Variants in CFAP74 observed in about 807,000 individuals in gnomAD.
The protein encoded by CFAP74 is cilia- and flagella-associated protein 74.
CFAP74 carries 124 observed loss-of-function variants against 188.9 expected under a neutral mutation model. The ratio of observed to expected loss-of-function variants is 0.66; its 90% confidence interval spans 0.57 to 0.76. CFAP74 has a LOEUF of 0.76. Among genes scored for constraint, CFAP74 ranks in the 30% least tolerant of loss-of-function variants. CFAP74 has a pLI of 0.00. For missense variants in CFAP74, 2,198 were observed against 2,165.2 expected, an observed-to-expected ratio of 1.02 and a Z score of -0.30; for synonymous variants, 956 against 916.7, an observed-to-expected ratio of 1.04 and a Z score of -0.77.
In CFAP74 at chr1:1,979,427, T is replaced by A. The variant is rs1213587552; in HGVS notation, c.501-5229A>T. On this transcript the variant is annotated intron_variant, in intron 6 of 38. Coordinates refer to ENST00000682832, the MANE Select transcript of CFAP74 (RefSeq NM_001304360.2). Reference sequence around the variant, plus strand: ...GCTGTGCAGAACACGCGTGTGGTACTGAGCTGGGCGTGGGAAGGCGTCACG... The same window carrying A: ...GCTGTGCAGAACACGCGTGTGGTACAGAGCTGGGCGTGGGAAGGCGTCACG... 3.2e-4 allele frequency among the ~76,000 whole-genome samples: 45 copies of A among 141,874 alleles called. 1 individual carries two copies. Among genetic ancestry groups the A allele is most frequent in the African/African-American group, 1.2e-3 (45 of 38,138 alleles). 93.1% of individuals were successfully genotyped at this position (141,874 alleles called of 152,430 possible).
chr1:1,963,808 C>T lies in CFAP74; in HGVS notation c.1635G>A (p.Thr545=), dbSNP rs368592608. The change falls in exon 14 of 39, where the codon ACG becomes ACA. Residue 545 remains threonine, a synonymous_variant. Coordinates refer to ENST00000682832, the MANE Select transcript of CFAP74 (RefSeq NM_001304360.2). ...KKITLVNTTY[T]INYCKLVGVE... ...CGCCCACCAGCTTGCAGTAGTTGAT[C>T]GTGTAGGTGGTGTTTACCAACGTGA... The T allele has an allele frequency of 1.5e-5, 24 of 1,613,952 alleles. No homozygotes were observed. Among genetic ancestry groups the T allele is most frequent in the East Asian group, 4.5e-5 (2 of 44,882 alleles).
chr1:1,923,586 A>G lies in CFAP74; in HGVS notation c.4390-87T>C. The G allele has an allele frequency of 6.4e-7, 1 of 1,556,924 alleles. No homozygotes were observed. The highest frequency in any genetic ancestry group is 2.3e-5 in the East Asian group (1 of 44,202). ...AGAGCTGGGCTGGCTCAGGGAAGGA[A>G]GCAGGGACGGCCTGGGGGCCCCGTG... On this transcript the variant is annotated intron_variant, in intron 35 of 38. Transcript: ENST00000682832. This position sits in a 1 kb window ranked among gnomAD's most constrained non-coding sequence, Gnocchi z 6.3.
chr1:1,947,645 C>A (rs2490543), intron 18 of CFAP74, among the ~76,000 whole-genome samples: 2 of 152,072 alleles, frequency 1.3e-5, no homozygotes, highest in Admixed American at 6.5e-5. Flanking sequence ...CGAGAGGCCA[C>A]GCGCAGGTTG....
At chr1:1,985,060 T>G in intron 6 of CFAP74, 1 of 268,898 alleles carries the variant, frequency 3.7e-6, no homozygotes, top group Non-Finnish European at 7.3e-6. Flanking sequence ...AGGAAAGCAT[T>G]TAGGACGAGG....
intron 25 of CFAP74, among the ~76,000 whole-genome samples, chr1:1,931,828 C>G (rs1212878602): frequency 6.9e-6 from 1 of 145,048 alleles, no homozygotes; most frequent in Admixed American, 6.9e-5. Flanking sequence ...TTTGGGAGAC[C>G]GAGGCGGGTG....
At chr1:1,985,560 T>C in intron 5 of CFAP74, 70 bp from the exon 6 acceptor site, 1 of 1,185,726 alleles carries the variant, frequency 8.4e-7, no homozygotes, top group Admixed American at 1.7e-5. Flanking sequence ...CAGGTTCACC[T>C]GGCACTCCCT....
At chr1:1,999,936 C>A (rs372795422) in intron 1 of CFAP74, among the ~76,000 whole-genome samples, 113 of 152,066 alleles carry the variant, frequency 7.4e-4, no homozygotes, top group African/African-American at 2.6e-3. Flanking sequence ...GAGGCTGAGG[C>A]GGGCGGATCA....
chr1:1,944,938 A>G (rs1653648081), intron 20 of CFAP74, among the ~76,000 whole-genome samples: 1 of 152,134 alleles, frequency 6.6e-6, no homozygotes, highest in Non-Finnish European at 1.5e-5. Context: ...ATGTTCAACT[A>G]CTACTAGAAC....
chr1:1,974,474 C>T (rs940375236), intron 6 of CFAP74, among the ~76,000 whole-genome samples: 8 of 152,242 alleles, frequency 5.3e-5, no homozygotes, highest in South Asian at 2.1e-4. Flanking sequence ...AGGCTGTGTC[C>T]GTTGGCTGCG....
chr1:1,968,703 C>A lies in CFAP74; in HGVS notation c.1177G>T (p.Asp393Tyr). 6.2e-7 allele frequency: 1 copy of A among 1,614,122 alleles called. No individual in the cohort carries two copies. Among genetic ancestry groups the A allele is most frequent in the Non-Finnish European group, 8.5e-7 (1 of 1,180,004 alleles). ...TSARHRLTLRDKTWNYISDFC... is the reference protein window; with the variant it reads ...TSARHRLTLRYKTWNYISDFC... ...TCAGAAATGTAGTTCCAGGTCTTGT[C>A]CCTCAGGGTCAGCCGGTGCCTGGCA... Residue 393 changes from aspartate to tyrosine, a missense_variant, in exon 11 of 39, where the codon GAC becomes TAC. Coordinates refer to ENST00000682832, the MANE Select transcript of CFAP74 (RefSeq NM_001304360.2). This position sits in a 1 kb window ranked among gnomAD's most constrained non-coding sequence, Gnocchi z 4.3.
intron 27 of CFAP74, 69 bp from the exon 28 acceptor site, chr1:1,927,815 C>T: frequency 6.7e-7 from 1 of 1,486,408 alleles, no homozygotes; most frequent in Non-Finnish European, 9.0e-7. Flanking sequence ...CCCCGTGGCT[C>T]CTCTGCGGCC....
At position 1,923,754 on chromosome 1, in the gene CFAP74, C is replaced by T. The variant is rs777946752; in HGVS notation, c.4389+21G>A. On this transcript the variant is annotated intron_variant, in intron 35 of 38. Coordinates refer to ENST00000682832, the MANE Select transcript of CFAP74 (RefSeq NM_001304360.2). This position sits in a 1 kb window ranked among gnomAD's most constrained non-coding sequence, Gnocchi z 6.3. Reference sequence around the variant, plus strand: ...GGGGCCAGGGCCGGGCCGGGCTGAGCTTGCAGAGCCAGAGCCGCACCTTTT... The same window carrying T: ...GGGGCCAGGGCCGGGCCGGGCTGAGTTTGCAGAGCCAGAGCCGCACCTTTT... The T allele has an allele frequency of 3.7e-6, 6 of 1,612,976 alleles. No homozygotes were observed. The highest frequency in any genetic ancestry group is 3.4e-6 in the Non-Finnish European group (4 of 1,179,836).
intron 16 of CFAP74, among the ~76,000 whole-genome samples, chr1:1,958,428 T>C (rs1654820767): frequency 1.3e-5 from 2 of 152,148 alleles, no homozygotes; most frequent in South Asian, 4.1e-4. Flanking sequence ...CACTCTGGAG[T>C]CCAGCCTGGA....
At chr1:1,924,733 G>A (rs1651724572) in intron 33 of CFAP74, among the ~76,000 whole-genome samples, 1 of 152,168 alleles carries the variant, frequency 6.6e-6, no homozygotes, top group East Asian at 1.9e-4. Flanking sequence ...GCCGGGGCTC[G>A]GCTTCCCTGC....
intron 11 of CFAP74, among the ~76,000 whole-genome samples, chr1:1,967,728 G>T (rs1278405792): frequency 1.3e-5 from 2 of 152,164 alleles, no homozygotes; most frequent in Non-Finnish European, 2.9e-5. Context: ...AGGTTTTGGG[G>T]TACACAAGGG....
At chr1:1,995,360 C>T (rs993264711) in intron 1 of CFAP74, among the ~76,000 whole-genome samples, 4 of 151,848 alleles carry the variant, frequency 2.6e-5, no homozygotes, top group African/African-American at 4.8e-5. Context: ...GGCGTGATGG[C>T]GCATCCCTGT....
rs1243630835 is a variant in CFAP74 at position 1,944,338 on chromosome 1, G to A, written c.2479C>T (p.His827Tyr). The change falls in exon 21 of 39, where the codon CAC becomes TAC. Residue 827 changes from histidine to tyrosine, a missense_variant. Physicochemically the swap from His to Tyr is moderately conservative, Grantham distance 83. Coordinates refer to ENST00000682832, the MANE Select transcript of CFAP74 (RefSeq NM_001304360.2). ...GGACAGGAGGGGGCTCACCGCGTGTGCACGAGCACAGAGTCCTGGTAGAGC... is the reference window on the plus strand; with the variant it reads ...GGACAGGAGGGGGCTCACCGCGTGTACACGAGCACAGAGTCCTGGTAGAGC... Reference protein sequence around the residue: ...DRLYQDSVLVHTRSKAALRLK... With the variant: ...DRLYQDSVLVYTRSKAALRLK... 2.0e-6 allele frequency: 3 copies of A among 1,535,290 alleles called. No individual in the cohort carries two copies. The highest frequency in any genetic ancestry group is 2.7e-5 in the African/African-American group (2 of 73,032).
chr1:1,985,403 G>C lies in CFAP74; in HGVS notation c.483C>G (p.Ala161=), dbSNP rs369890588. Reference sequence around the variant, plus strand: ...CGACTCACTCGCTCTCCTTCAGCACGGCCTCAGTCCTCGACTGCAGGTCTC... The same window carrying C: ...CGACTCACTCGCTCTCCTTCAGCACCGCCTCAGTCCTCGACTGCAGGTCTC... ...NERDLQSRTE[A]VLKESENTMW... Residue 161 remains alanine (A), a synonymous_variant, in exon 6 of 39, where the codon GCC becomes GCG. Transcript: ENST00000682832. 6.2e-7 allele frequency: 1 copy of C among 1,613,954 alleles called. No individual in the cohort carries two copies. The highest frequency in any genetic ancestry group is 1.3e-5 in the African/African-American group (1 of 75,064).
intron 25 of CFAP74, among the ~76,000 whole-genome samples, chr1:1,931,432 T>TA (rs34892654): frequency 0.46 from 34,567 of 75,614 alleles, 8,101 homozygotes; most frequent in East Asian, 0.61. Context: ...CCCATCTCAA[T>TA]AAAAAAAAAA....
Sources: allele counts gnomAD v4.1 joint callset (sites outside exome capture counted in the v4.1 genomes callset), GRCh38; gene constraint gnomAD v4.1.1; non-coding constraint Gnocchi (gnomAD v3.1); transcripts MANE v1.5; gene names NCBI Gene and HGNC (gene_info 2026-07-23, HGNC 2026-07-21).